Variants in PTPRN2 observed in about 807,000 individuals in gnomAD.
The protein encoded by PTPRN2 is receptor-type tyrosine-protein phosphatase N2.
Under a neutral mutation model 118.8 loss-of-function variants are expected in PTPRN2, and 74 were observed. The observed-to-expected ratio is 0.62, with a 90% CI of 0.52 to 0.76. The LOEUF (loss-of-function observed/expected upper bound fraction) is 0.76, where lower values mean the gene tolerates loss of function less well. Ranked by LOEUF, PTPRN2 falls within the 30% of genes least tolerant of loss-of-function variation. PTPRN2 has a pLI of 0.00. For missense variants in PTPRN2, 1,481 were observed against 1,394.4 expected, an observed-to-expected ratio of 1.06 and a Z score of -0.99; for synonymous variants, 641 against 608.0, an observed-to-expected ratio of 1.05 and a Z score of -0.80.
chr7:157,570,754 C>T (rs949551469), intron 20 of PTPRN2, among the ~76,000 whole-genome samples: 2 of 152,130 alleles, frequency 1.3e-5, no homozygotes, highest in African/African-American at 4.8e-5. Context: ...ATAACTGGCC[C>T]CAAGCATTTC....
chr7:158,206,226 T>G (rs1478664083), intron 3 of PTPRN2, among the ~76,000 whole-genome samples: 1 of 152,150 alleles, frequency 6.6e-6, no homozygotes, highest in Non-Finnish European at 1.5e-5. Flanking sequence ...ATCTTACAAC[T>G]TAGATAACTG....
chr7:158,391,523 A>G (rs1422235868), intron 2 of PTPRN2, among the ~76,000 whole-genome samples: 2 of 152,224 alleles, frequency 1.3e-5, no homozygotes, highest in Non-Finnish European at 2.9e-5. Context: ...TAAGGTCACC[A>G]TGAGGAGGAT....
intron 5 of PTPRN2, among the ~76,000 whole-genome samples, chr7:158,172,419 C>T (rs1222909126): frequency 6.6e-6 from 1 of 152,132 alleles, no homozygotes; most frequent in African/African-American, 2.4e-5. Flanking sequence ...CCACCATCCA[C>T]AACAGCATCC....
chr7:158,124,695 C>A (rs1817470629), intron 9 of PTPRN2, among the ~76,000 whole-genome samples: 1 of 152,176 alleles, frequency 6.6e-6, no homozygotes, highest in Non-Finnish European at 1.5e-5. Flanking sequence ...GAGCTGGGAC[C>A]TTCTGCAGGA....
At chr7:158,397,406 C>T (rs963183107) in intron 2 of PTPRN2, among the ~76,000 whole-genome samples, 4 of 152,200 alleles carry the variant, frequency 2.6e-5, no homozygotes, top group African/African-American at 9.6e-5. Context: ...GAACCAGCCT[C>T]AGGGTTGCCC....
At chr7:158,002,802 G>A (rs1253327413) in intron 11 of PTPRN2, among the ~76,000 whole-genome samples, 2 of 152,350 alleles carry the variant, frequency 1.3e-5, no homozygotes, top group Non-Finnish European at 2.9e-5. Flanking sequence ...GCAGGTCCAC[G>A]GAGCAGGAGC....
intron 2 of PTPRN2, among the ~76,000 whole-genome samples, chr7:158,345,151 G>A (rs894891447): frequency 2.0e-5 from 3 of 152,170 alleles, no homozygotes; most frequent in African/African-American, 7.2e-5. Flanking sequence ...GTGACTGATG[G>A]TCTAGGCCTA....
chr7:157,876,726 T>C (rs998941492), intron 12 of PTPRN2, among the ~76,000 whole-genome samples: 2 of 152,112 alleles, frequency 1.3e-5, no homozygotes, highest in African/African-American at 4.8e-5. Flanking sequence ...AATGGTGCTC[T>C]ATGGGGCTTC....
chr7:158,404,277 G>A (rs111490015), intron 2 of PTPRN2, among the ~76,000 whole-genome samples: 3,626 of 152,306 alleles, frequency 0.024, 160 homozygotes, highest in African/African-American at 0.082. Context: ...GTGGGAAGAC[G>A]TCAGACCTTT....
Position 157,615,616 on chromosome 7 carries a change from C to T in PTPRN2, c.2344+5746G>A, listed in dbSNP as rs769402200. Reference sequence around the variant, plus strand: ...GATCCGCGTCACGGGGGAGGATTGGCTCAGCACTGGTCCTGCGGAATGTGT... The same window carrying T: ...GATCCGCGTCACGGGGGAGGATTGGTTCAGCACTGGTCCTGCGGAATGTGT... On this transcript the variant is annotated intron_variant, in intron 15 of 22. Transcript: ENST00000389418. This position sits in a 1 kb window ranked among gnomAD's most constrained non-coding sequence, Gnocchi z 4.3. 1 of 471,188 alleles carries T rather than the reference C, an allele frequency of 2.1e-6. No individual in the cohort carries two copies. The highest frequency in any genetic ancestry group is 4.4e-6 in the Non-Finnish European group (1 of 227,044). The allele number at this position is 471,188 out of a possible 1,614,324, so 29.2% of individuals were successfully genotyped here.
intron 12 of PTPRN2, among the ~76,000 whole-genome samples, chr7:157,820,311 C>T (rs1293007388): frequency 2.7e-5 from 4 of 149,474 alleles, no homozygotes; most frequent in Non-Finnish European, 5.9e-5. Context: ...AGCAGACCCA[C>T]ACACGTTCAC....
intron 13 of PTPRN2, among the ~76,000 whole-genome samples, chr7:157,663,446 G>C (rs1334489290): frequency 1.3e-5 from 2 of 152,220 alleles, no homozygotes; most frequent in Admixed American, 1.3e-4. Context: ...TTCCTCACAA[G>C]TGAGCTGGAA....
At position 158,488,920 on chromosome 7, in the gene PTPRN2, G is replaced by A. The variant is rs552934570; in HGVS notation, c.163+815C>T. On this transcript the variant is annotated intron_variant, in intron 2 of 22. Coordinates refer to ENST00000389418, the MANE Select transcript of PTPRN2 (RefSeq NM_002847.5). ...ATACTGGAGTTTAACCCTCCCCTGC[G>A]CGTTCAGAGCGCACAGCGCCCAGTT... Among the ~76,000 whole-genome samples, 13 of 152,344 alleles carry A rather than the reference G, an allele frequency of 8.5e-5. No homozygotes were observed. The South Asian group carries it at 1.9e-3, about 22-fold the overall frequency.
chr7:158,061,147 C>A (rs1017365820), intron 11 of PTPRN2, among the ~76,000 whole-genome samples: 1 of 152,232 alleles, frequency 6.6e-6, no homozygotes, highest in African/African-American at 2.4e-5. Flanking sequence ...GAAGAGCAGG[C>A]CGCCGTCGGG....
intron 9 of PTPRN2, among the ~76,000 whole-genome samples, chr7:158,132,178 A>G (rs889208738): frequency 1.3e-5 from 2 of 150,146 alleles, no homozygotes; most frequent in Non-Finnish European, 1.5e-5. Context: ...ACACACACAC[A>G]TATACACACA....
intron 11 of PTPRN2, among the ~76,000 whole-genome samples, chr7:158,007,776 G>C (rs1805735172): frequency 6.7e-6 from 1 of 150,326 alleles, no homozygotes; most frequent in Non-Finnish European, 1.5e-5. Flanking sequence ...AGGGTGTGCT[G>C]TGTGTGGCTG....
Position 157,629,384 on chromosome 7 carries a change from G to C in PTPRN2, c.2197-7875C>G, listed in dbSNP as rs546555399. Among the ~76,000 whole-genome samples the C allele has an allele frequency of 1.8e-4, 27 of 152,060 alleles. 1 individual carries two copies. In the South Asian group the frequency reaches 5.6e-3, roughly 32 times the overall value. On this transcript the variant is annotated intron_variant, in intron 14 of 22. Coordinates refer to ENST00000389418, the MANE Select transcript of PTPRN2 (RefSeq NM_002847.5). This position sits in a 1 kb window ranked among gnomAD's most constrained non-coding sequence, Gnocchi z 4.4. Reference sequence around the variant, plus strand: ...ACAATGAAGAAGTGAGATACTGAGAGGTGCAAGATGATTTATTATTATTAT... The same window carrying C: ...ACAATGAAGAAGTGAGATACTGAGACGTGCAAGATGATTTATTATTATTAT...
At chr7:158,359,931 T>G (rs954276750) in intron 2 of PTPRN2, among the ~76,000 whole-genome samples, 10 of 151,876 alleles carry the variant, frequency 6.6e-5, no homozygotes, top group African/African-American at 1.2e-4. Context: ...CTGTGGAGAG[T>G]GAGAAGACAA....
chr7:158,320,569 C>A (rs1163103378), intron 2 of PTPRN2, among the ~76,000 whole-genome samples: 1 of 82,478 alleles, frequency 1.2e-5, no homozygotes, highest in African/African-American at 5.4e-5. Context: ...GGGTGGCGTC[C>A]GTGTTCCCAC....
Sources: gnomAD v4.1 joint callset for allele counts (sites outside exome capture counted in the v4.1 genomes callset) on GRCh38, gnomAD v4.1.1 for gene constraint, Gnocchi (gnomAD v3.1) non-coding constraint, MANE v1.5 for transcripts, NCBI Gene and HGNC (gene_info 2026-07-23, HGNC 2026-07-21) for gene names.